Variants in LCORL observed in about 807,000 individuals in gnomAD.
LCORL encodes ligand-dependent nuclear receptor corepressor-like protein.
A neutral mutation model predicts 141.8 loss-of-function variants in LCORL; 41 were observed. That is an observed-to-expected ratio of 0.29 (90% CI 0.23 to 0.38). The LOEUF is 0.38. Ranked by LOEUF, LCORL falls within the 10% of genes least tolerant of loss-of-function variation. LCORL has a pLI of 1.00. For synonymous variants in LCORL, 618 were observed against 694.1 expected, an observed-to-expected ratio of 0.89 and a Z score of 1.72; for missense variants, 1,759 against 2,035.0, an observed-to-expected ratio of 0.86 and a Z score of 2.61.
intron 4 of LCORL, among the ~76,000 whole-genome samples, chr4:17,944,253 A>T (rs560624159): frequency 5.3e-5 from 8 of 152,272 alleles, no homozygotes; most frequent in Middle Eastern, 3.4e-3. Context: ...TTAAATTATT[A>T]TTGACTATAG....
At chr4:17,973,574 G>A (rs997946774) in intron 1 of LCORL, among the ~76,000 whole-genome samples, 3 of 151,356 alleles carry the variant, frequency 2.0e-5, no homozygotes, top group Admixed American at 2.0e-4. Context: ...ATCAACTACA[G>A]ACATCCAAAA....
Position 17,893,640 on chromosome 4 carries a change from A to C in LCORL, c.683-7479T>G, listed in dbSNP as rs533389226. The C allele has an allele frequency of 1.2e-5, 12 of 977,076 alleles. No homozygotes were observed. The South Asian group carries it at 5.2e-4, about 42-fold the overall frequency. The allele number at this position is 977,076 out of a possible 1,614,324, so 60.5% of individuals were successfully genotyped here. A position where few individuals can be genotyped will look rare whatever the true frequency, so the allele number is the denominator to read the frequency against. On this transcript the variant is annotated intron_variant, in intron 5 of 7. Coordinates refer to ENST00000635767, the Ensembl canonical transcript of LCORL. ...TTCTTCATTTTCTTATTTGTTTTCT[A>C]GTTTTGCTACAGTAGGTAAAGCTAT...
chr4:17,971,435 C>A (rs1715915539), intron 2 of LCORL, among the ~76,000 whole-genome samples: 1 of 151,242 alleles, frequency 6.6e-6, no homozygotes, highest in Non-Finnish European at 1.5e-5. Context: ...TTAAATAGCC[C>A]CTTTTTAAAT....
intron 1 of LCORL, among the ~76,000 whole-genome samples, chr4:17,994,065 G>A (rs1720500536): frequency 6.6e-6 from 1 of 152,168 alleles, no homozygotes; most frequent in Non-Finnish European, 1.5e-5. Context: ...GGTTGGATAT[G>A]TGGGGCATAA....
At chr4:17,878,157 G>A in exon 7 of LCORL, 1 of 1,230,016 alleles carries the variant, frequency 8.1e-7, no homozygotes, top group Non-Finnish European at 1.0e-6. Context: ...TTTGTTTAAT[G>A]CTGATTTTCT....
chr4:17,974,847 A>G (rs1716643053), intron 1 of LCORL, among the ~76,000 whole-genome samples: 1 of 152,180 alleles, frequency 6.6e-6, no homozygotes, highest in South Asian at 2.1e-4. Flanking sequence ...TATAAATTAC[A>G]GCACTTATTG....
intron 2 of LCORL, among the ~76,000 whole-genome samples, chr4:17,969,640 G>T (rs1370848643): frequency 6.6e-6 from 1 of 151,980 alleles, no homozygotes; most frequent in African/African-American, 2.4e-5. Flanking sequence ...GAATATACAA[G>T]AATTATATTA....
chr4:17,998,964 C>CAAAAAAAAA (rs775544332), intron 1 of LCORL, among the ~76,000 whole-genome samples: 6 of 44,822 alleles, frequency 1.3e-4, no homozygotes, highest in Admixed American at 6.5e-4. Context: ...GACCCTGTCT[C>CAAAAAAAAA]AAAAAAAAAA....
At chr4:17,864,765 T>C (rs1050479567) in intron 7 of LCORL, among the ~76,000 whole-genome samples, 1 of 152,074 alleles carries the variant, frequency 6.6e-6, no homozygotes, top group African/African-American at 2.4e-5. Context: ...TCTTTAAACA[T>C]GAAGACATAA....
At chr4:17,842,414 A>AT (rs1722500787) in exon 8 of LCORL, 1 of 1,536,048 alleles carries the variant, frequency 6.5e-7, no homozygotes, top group Non-Finnish European at 9.0e-7. Context: ...ATGGAGGCCT[A>AT]TCTTCACTTT....
intron 1 of LCORL, among the ~76,000 whole-genome samples, chr4:18,003,461 C>T (rs974678333): frequency 8.5e-5 from 13 of 152,148 alleles, no homozygotes; most frequent in Admixed American, 6.5e-5. Context: ...AGATAAAGAA[C>T]ACCAGAGAAA....
At chr4:17,923,833 CT>C (rs1734678428) in intron 4 of LCORL, among the ~76,000 whole-genome samples, 1 of 152,088 alleles carries the variant, frequency 6.6e-6, no homozygotes, top group Non-Finnish European at 1.5e-5. Context: ...TTGACCAATA[CT>C]TTGCAAAATA....
At position 17,913,811 on chromosome 4, in the gene LCORL, G is replaced by C. The variant is rs181754427; in HGVS notation, c.431-4466C>G. Among the ~76,000 whole-genome samples the C allele has an allele frequency of 1.6e-4, 24 of 152,190 alleles. 1 individual carries two copies. Among genetic ancestry groups the C allele is most frequent in the Non-Finnish European group, 3.4e-4 (23 of 68,016 alleles). On this transcript the variant is annotated intron_variant, in intron 4 of 7. Transcript: ENST00000635767. ...TTTAAAGGTCACCCATTTTTCTTCA[G>C]TTAATAACGTAAAAAAAATTGCATT... is the stretch of plus-strand genomic sequence containing the variant.
At chr4:17,928,205 G>C (rs1362245728) in intron 4 of LCORL, among the ~76,000 whole-genome samples, 1 of 152,128 alleles carries the variant, frequency 6.6e-6, no homozygotes, top group African/African-American at 2.4e-5. Context: ...CCAGGAGTTT[G>C]AGATCAGCCT....
chr4:17,990,089 T>C (rs1428086462), intron 1 of LCORL, among the ~76,000 whole-genome samples: 1 of 145,054 alleles, frequency 6.9e-6, no homozygotes, highest in African/African-American at 2.5e-5. Flanking sequence ...AAAAGAAAAC[T>C]CTCTGCGTTT....
Position 17,977,453 on chromosome 4 carries a change from T to C in LCORL, c.155-4568A>G, listed in dbSNP as rs531552735. On this transcript the variant is annotated intron_variant, in intron 1 of 7. Coordinates refer to ENST00000635767, the Ensembl canonical transcript of LCORL. ...CTTTTGCTTTCTTCTAAAAAAATAA[T>C]AATAAAAAACAGTGATTTGTAGAAA... 2.0e-5 allele frequency among the ~76,000 whole-genome samples: 3 copies of C among 152,252 alleles called. No individual in the cohort carries two copies. The East Asian group carries it at 5.8e-4, about 29-fold the overall frequency.
chr4:17,955,015 C>T (rs1712306349), intron 4 of LCORL, among the ~76,000 whole-genome samples: 1 of 152,070 alleles, frequency 6.6e-6, no homozygotes, highest in East Asian at 1.9e-4. Flanking sequence ...TATCAGCACA[C>T]ACATGATAAT....
At chr4:17,857,867 A>G (rs1297473766) in intron 7 of LCORL, among the ~76,000 whole-genome samples, 4 of 152,236 alleles carry the variant, frequency 2.6e-5, no homozygotes, top group Non-Finnish European at 5.9e-5. Flanking sequence ...ATATTTCTCA[A>G]TAAGTTAACA....
At position 18,021,485 on chromosome 4, in the gene LCORL, CCA is replaced by C; in HGVS notation, c.154+111_154+112del. On this transcript the variant is annotated intron_variant, in intron 1 of 7. Transcript: ENST00000635767. The surrounding 1 kb of genome is among the most constrained non-coding windows in gnomAD (Gnocchi z 5.5). ...GCCGCGCCGCTCCCATCTCGCTCCCCCACCGAACTAACCCGAACGGGAGATTC... is the reference window on the plus strand; with the variant it reads ...GCCGCGCCGCTCCCATCTCGCTCCCCCCGAACTAACCCGAACGGGAGATTC... The C allele has an allele frequency of 5.5e-6, 5 of 907,292 alleles. No homozygotes were observed. The South Asian group carries it at 1.0e-4, about 18-fold the overall frequency. The allele number at this position is 907,292 out of a possible 1,614,324, so 56.2% of individuals were successfully genotyped here. A position where few individuals can be genotyped will look rare whatever the true frequency, so the allele number is the denominator to read the frequency against.
Sources: allele counts gnomAD v4.1 joint callset (sites outside exome capture counted in the v4.1 genomes callset), GRCh38; gene constraint gnomAD v4.1.1; non-coding constraint Gnocchi (gnomAD v3.1); transcripts MANE v1.5; gene names NCBI Gene and HGNC (gene_info 2026-07-23, HGNC 2026-07-21).